The following CTNND2 variants were observed in gnomAD, a reference collection of about 807,000 sequenced individuals.
CTNND2 encodes the protein catenin delta 2, also known as catenin delta-2.
Under a neutral mutation model 144.4 loss-of-function variants are expected in CTNND2, and 22 were observed. The observed-to-expected ratio is 0.15, with a 90% confidence interval of 0.11 to 0.22. CTNND2 has a LOEUF of 0.22. Among genes scored for constraint, CTNND2 ranks in the 10% least tolerant of loss-of-function variants. CTNND2 has a pLI of 1.00. For missense variants in CTNND2, 1,353 were observed against 1,618.8 expected (o/e 0.84, Z 2.82); for synonymous variants, 751 against 695.6 (o/e 1.08, Z -1.25).
chr5:11,529,065 A>T (rs1773515520), intron 3 of CTNND2, among the ~76,000 whole-genome samples: 1 of 152,196 alleles, frequency 6.6e-6, no homozygotes, highest in Non-Finnish European at 1.5e-5. Flanking sequence ...GCCGGCAGGA[A>T]ATAGCAATGC....
chr5:11,346,325 C>A, intron 9 of CTNND2, 47 bp downstream of exon 9: 9 of 1,368,370 alleles, frequency 6.6e-6, no homozygotes, highest in Non-Finnish European at 8.6e-6. Context: ...TACCAGGTTA[C>A]AAAACCTCTT....
intron 9 of CTNND2, among the ~76,000 whole-genome samples, chr5:11,237,533 C>T (rs1741782193): frequency 1.3e-5 from 2 of 152,000 alleles, no homozygotes; most frequent in African/African-American, 4.8e-5. Flanking sequence ...TGGGGTCTTA[C>T]TGTGTCACCC....
At chr5:11,106,738 G>T (rs567768856) in intron 14 of CTNND2, among the ~76,000 whole-genome samples, 1 of 152,216 alleles carries the variant, frequency 6.6e-6, no homozygotes, top group South Asian at 2.1e-4. Flanking sequence ...TTTATTAAGA[G>T]AATGCCCAAG....
At chr5:11,079,408 C>T (rs536437670) in intron 16 of CTNND2, among the ~76,000 whole-genome samples, 7 of 152,312 alleles carry the variant, frequency 4.6e-5, no homozygotes, top group African/African-American at 7.2e-5. Context: ...ATCCCTAACA[C>T]CAGATGCCTA....
At chr5:11,458,787 G>C (rs878882025) in intron 3 of CTNND2, among the ~76,000 whole-genome samples, 2 of 152,162 alleles carry the variant, frequency 1.3e-5, no homozygotes, top group Admixed American at 1.3e-4. Flanking sequence ...AGGTTTCACT[G>C]TTGCCCAGGC....
At chr5:11,126,963 G>A (rs1754740876) in intron 12 of CTNND2, among the ~76,000 whole-genome samples, 1 of 152,214 alleles carries the variant, frequency 6.6e-6, no homozygotes, top group African/African-American at 2.4e-5. Context: ...CAAAGGGCAA[G>A]GCTTAAAGTA....
chr5:11,130,638 C>T (rs934014649), intron 12 of CTNND2, among the ~76,000 whole-genome samples: 14 of 152,118 alleles, frequency 9.2e-5, no homozygotes, highest in African/African-American at 2.4e-4. Flanking sequence ...CCTAATTGTG[C>T]GGGTGGCCCT....
intron 9 of CTNND2, among the ~76,000 whole-genome samples, chr5:11,323,732 C>CTG (rs1182573385): frequency 6.6e-6 from 1 of 152,150 alleles, no homozygotes; most frequent in Non-Finnish European, 1.5e-5. Context: ...AATGGCAAGA[C>CTG]TGCAATTACA....
intron 2 of CTNND2, among the ~76,000 whole-genome samples, chr5:11,729,220 C>G (rs1252729775): frequency 6.6e-6 from 1 of 151,828 alleles, no homozygotes; most frequent in Non-Finnish European, 1.5e-5. Flanking sequence ...TTTGCTGCCC[C>G]AAAATGAATA....
chr5:11,102,060 G>A (rs1205510247), intron 14 of CTNND2, among the ~76,000 whole-genome samples: 1 of 151,960 alleles, frequency 6.6e-6, no homozygotes, highest in Non-Finnish European at 1.5e-5. Flanking sequence ...CAGCTTGGGG[G>A]AAATTTTCAA....
Position 11,028,106 on chromosome 5 carries a change from G to C in CTNND2, c.2789-5127C>G, listed in dbSNP as rs73045958. Among the ~76,000 whole-genome samples the C allele has an allele frequency of 9.0e-3, 1,375 of 152,284 alleles. 24 individuals are homozygous for C. Among genetic ancestry groups the C allele is most frequent in the African/African-American group, 0.031 (1,307 of 41,538 alleles). On this transcript the variant is annotated intron_variant, in intron 16 of 21. Coordinates refer to ENST00000304623, the MANE Select transcript of CTNND2 (RefSeq NM_001332.4). ...TGAGTTCCTTCCTACACTTACTATA[G>C]ATCTCTTCTGATCACTGATGGAGTC...
intron 1 of CTNND2, among the ~76,000 whole-genome samples, chr5:11,732,956 G>C (rs1203697644): frequency 6.6e-6 from 1 of 152,146 alleles, no homozygotes; most frequent in Non-Finnish European, 1.5e-5. Flanking sequence ...AAACCCCAGA[G>C]GACTGGGTTC....
chr5:11,273,642 A>T (rs537942237), intron 9 of CTNND2, among the ~76,000 whole-genome samples: 20 of 152,316 alleles, frequency 1.3e-4, no homozygotes, highest in African/African-American at 4.8e-4. Context: ...CTTAATAAGC[A>T]TTGCAGGGAG....
intron 9 of CTNND2, among the ~76,000 whole-genome samples, chr5:11,297,761 A>C (rs547658487): frequency 1.3e-5 from 2 of 152,268 alleles, no homozygotes; most frequent in African/African-American, 4.8e-5. Flanking sequence ...GGACAGGAGG[A>C]GTGGGGTGAC....
intron 3 of CTNND2, among the ~76,000 whole-genome samples, chr5:11,495,839 T>C (rs1769880439): frequency 6.6e-6 from 1 of 152,166 alleles, no homozygotes; most frequent in South Asian, 2.1e-4. Flanking sequence ...TGAGGACACC[T>C]AGGCCCAATT....
At chr5:11,404,882 T>C (rs1179646607) in intron 5 of CTNND2, among the ~76,000 whole-genome samples, 1 of 152,090 alleles carries the variant, frequency 6.6e-6, no homozygotes, top group Non-Finnish European at 1.5e-5. Context: ...AGTGCTGGGA[T>C]TGCAGGCATG....
chr5:11,098,888 A>AT, intron 14 of CTNND2, 140 bp from the exon 15 acceptor site: 1 of 713,058 alleles, frequency 1.4e-6, no homozygotes, highest in Non-Finnish European at 2.3e-6. Context: ...AGGCTATTGC[A>AT]TCAGCAGTCC....
Position 11,384,669 on chromosome 5 carries a change from C to T in CTNND2, c.1173G>A (p.Leu391=). ...ATATLQRPGS[L]AAGSRASYSS... is the part of the protein sequence containing the mutation. ...CAGGTGGCAGCGAGCCTTTACCTGC[C>T]AGGCTGCCCGGCCTCTGGAGGGTGG... Residue 391 remains leucine (L), a synonymous_variant, in exon 7 of 22, where the codon CTG becomes CTA. Coordinates refer to ENST00000304623, the MANE Select transcript of CTNND2 (RefSeq NM_001332.4). This position sits in a 1 kb window ranked among gnomAD's most constrained non-coding sequence, Gnocchi z 5.2. 1.2e-6 allele frequency: 2 copies of T among 1,600,632 alleles called. No individual in the cohort carries two copies. Among genetic ancestry groups the T allele is most frequent in the Non-Finnish European group, 1.7e-6 (2 of 1,177,652 alleles).
In CTNND2 at chr5:11,709,204, T is replaced by C. The variant is rs565658641; in HGVS notation, c.174+22932A>G. 9.7e-4 allele frequency among the ~76,000 whole-genome samples: 147 copies of C among 152,286 alleles called. No homozygotes were observed. The Middle Eastern group carries it at 0.02, about 21-fold the overall frequency. On this transcript the variant is annotated intron_variant, in intron 2 of 21. Transcript: ENST00000304623. Reference sequence around the variant, plus strand: ...AAGAGGCTGGGAAGATAAAATCAGCTTTCCCACTTCTACAGCAGAAGCCAG... The same window carrying C: ...AAGAGGCTGGGAAGATAAAATCAGCCTTCCCACTTCTACAGCAGAAGCCAG...
Sources: gnomAD v4.1 joint callset for allele counts (sites outside exome capture counted in the v4.1 genomes callset) on GRCh38, gnomAD v4.1.1 for gene constraint, Gnocchi (gnomAD v3.1) non-coding constraint, MANE v1.5 for transcripts, NCBI Gene and HGNC (gene_info 2026-07-23, HGNC 2026-07-21) for gene names.